The following KIF27 variants were observed in gnomAD, a reference collection of about 807,000 sequenced individuals.
KIF27 encodes kinesin family member 27, also known as kinesin-like protein KIF27.
In KIF27, 84 loss-of-function variants were observed where a neutral mutation model predicts 141.8. The ratio of observed to expected loss-of-function variants is 0.59; its 90% CI spans 0.50 to 0.71. The LOEUF (loss-of-function observed/expected upper bound fraction) is 0.71, where lower values mean the gene tolerates loss of function less well. Ranked by LOEUF, KIF27 falls within the 30% of genes least tolerant of loss-of-function variation. The probability of loss-of-function intolerance (pLI) is 0.00; values close to 1 mark genes in which losing one functional copy is unlikely to be tolerated. For missense variants in KIF27, 1,306 were observed against 1,628.4 expected, an observed-to-expected ratio of 0.80 and a Z score of 3.41; for synonymous variants, 471 against 569.5, an observed-to-expected ratio of 0.83 and a Z score of 2.46.
At chr9:83,850,925 C>T (rs1326160866) in intron 15 of KIF27, among the ~76,000 whole-genome samples, 1 of 144,524 alleles carries the variant, frequency 6.9e-6, no homozygotes, top group African/African-American at 2.6e-5. Flanking sequence ...GCAAGCTCCG[C>T]CTCCCGGGTT....
At chr9:83,884,401 C>G (rs146535136) in intron 9 of KIF27, among the ~76,000 whole-genome samples, 2 of 152,224 alleles carry the variant, frequency 1.3e-5, no homozygotes, top group African/African-American at 4.8e-5. Context: ...AATAATCTGT[C>G]TGCTTGAATT....
At chr9:83,848,436 C>CT (rs1166394102) in intron 16 of KIF27, among the ~76,000 whole-genome samples, 11 of 136,844 alleles carry the variant, frequency 8.0e-5, no homozygotes, top group Admixed American at 2.3e-4. Flanking sequence ...ATCTATATAT[C>CT]ATATATGCTA....
At position 83,891,313 on chromosome 9, in the gene KIF27, T is replaced by G; in HGVS notation, c.1791A>C (p.Ser597=). ...ACTTTACCTTCCTGGAATCTTGTCT[T>G]GATGGGATATAAATATAATGCCCCA... ...THLGHYIYIP[S]RQDSRKVHTS... is the part of the protein sequence containing the mutation. Residue 597 remains serine (S), a synonymous_variant, in exon 6 of 18, where the codon TCA becomes TCC. Coordinates refer to ENST00000297814, the MANE Select transcript of KIF27 (RefSeq NM_017576.4). 1 of 1,612,314 alleles carries G rather than the reference T, an allele frequency of 6.2e-7. No homozygotes were observed. Among genetic ancestry groups the G allele is most frequent in the Non-Finnish European group, 8.5e-7 (1 of 1,179,132 alleles).
At chr9:83,869,827 T>G (rs1328097343) in intron 12 of KIF27, among the ~76,000 whole-genome samples, 1 of 152,190 alleles carries the variant, frequency 6.6e-6, no homozygotes, top group Non-Finnish European at 1.5e-5. Context: ...ATCAACTCAT[T>G]TCTACCAAAA....
chr9:83,918,516 A>G (rs1955929913), intron 1 of KIF27, among the ~76,000 whole-genome samples: 1 of 152,208 alleles, frequency 6.6e-6, no homozygotes, highest in South Asian at 2.1e-4. Flanking sequence ...TATAACTCAA[A>G]AAGTTTTTTA....
chr9:83,910,788 C>A (rs1955074510), intron 2 of KIF27, among the ~76,000 whole-genome samples: 1 of 152,168 alleles, frequency 6.6e-6, no homozygotes. Flanking sequence ...TCTGCTCCCA[C>A]TTGTTTCAAA....
chr9:83,874,906 C>T (rs1231873815), intron 11 of KIF27, among the ~76,000 whole-genome samples: 1 of 143,434 alleles, frequency 7.0e-6, no homozygotes, highest in Non-Finnish European at 1.5e-5. Flanking sequence ...TGCACTCAAG[C>T]CTGGATGACA....
chr9:83,894,677 G>T (rs1043885158), intron 5 of KIF27, among the ~76,000 whole-genome samples: 1 of 152,172 alleles, frequency 6.6e-6, no homozygotes. Flanking sequence ...ATTGCTGGGG[G>T]ATTAAGCACA....
At chr9:83,900,995 G>C (rs1476832825) in intron 4 of KIF27, among the ~76,000 whole-genome samples, 2 of 152,026 alleles carry the variant, frequency 1.3e-5, no homozygotes, top group Non-Finnish European at 2.9e-5. Flanking sequence ...GTCTCACTCT[G>C]CCACCCAGGC....
chr9:83,921,078 C>A (rs1956224983), intron 1 of KIF27, among the ~76,000 whole-genome samples: 1 of 152,212 alleles, frequency 6.6e-6, no homozygotes, highest in African/African-American at 2.4e-5. Context: ...CCGGGACCCG[C>A]TCCTCAGGGC....
rs765070190 is a variant in KIF27 at position 83,853,674 on chromosome 9, C to G, written c.3312G>C (p.Leu1104=). ...EANVLEKLAC[L]SPVEIRTILF... ...GAATAGTTCTAATCTCAACAGGACT[C>G]AGGCAAGCTAGCTTTTCCAAGACAT... Residue 1104 remains leucine (L), a synonymous_variant, in exon 15 of 18, where the codon CTG becomes CTC. Transcript: ENST00000297814. 1.6e-5 allele frequency: 26 copies of G among 1,613,862 alleles called. No individual in the cohort carries two copies. In the South Asian group the frequency reaches 2.9e-4, roughly 18 times the overall value.
At chr9:83,919,754 G>T (rs1472024604) in intron 1 of KIF27, among the ~76,000 whole-genome samples, 1 of 151,176 alleles carries the variant, frequency 6.6e-6, no homozygotes, top group Non-Finnish European at 1.5e-5. Context: ...AATTAGGCAG[G>T]CATGGTGGCG....
chr9:83,902,715 C>T (rs1954051286), intron 4 of KIF27, among the ~76,000 whole-genome samples: 1 of 151,726 alleles, frequency 6.6e-6, no homozygotes, highest in African/African-American at 2.4e-5. Context: ...ACCAGGTCCA[C>T]AAAGTTCTAT....
At chr9:83,865,488 G>C (rs1044234759) in intron 13 of KIF27, among the ~76,000 whole-genome samples, 3 of 152,048 alleles carry the variant, frequency 2.0e-5, no homozygotes, top group African/African-American at 7.2e-5. Flanking sequence ...GAAGAGACAG[G>C]GTTTCACCAT....
At chr9:83,914,943 C>T (rs569576038) in intron 2 of KIF27, among the ~76,000 whole-genome samples, 2 of 152,188 alleles carry the variant, frequency 1.3e-5, no homozygotes, top group South Asian at 2.1e-4. Context: ...GTCCTGATTG[C>T]GGGACTCTTA....
rs1192473790 is a variant in KIF27, at chr9:83,903,684, T to C, written c.834A>G (p.Ile278Met). 3 of 1,614,150 alleles carry C rather than the reference T, an allele frequency of 1.9e-6. No homozygotes were observed. In the East Asian group the frequency reaches 6.7e-5, roughly 36 times the overall value. Reference sequence around the variant, plus strand: ...TCCTGCGTGGGTCCCCAAGAGCGCTTATTACATTTCCTAAAGCCAGCAATC... The same window carrying C: ...TCCTGCGTGGGTCCCCAAGAGCGCTCATTACATTTCCTAAAGCCAGCAATC... The part of the protein sequence containing the change: ...NSGLLALGNV[I>M]SALGDPRRKS... Residue 278 changes from isoleucine to methionine, a missense_variant, in exon 4 of 18, where the codon ATA becomes ATG. Ile to Met is a conservative substitution (Grantham distance 10). Coordinates refer to ENST00000297814, the MANE Select transcript of KIF27 (RefSeq NM_017576.4).
At chr9:83,919,989 T>C (rs1043984099) in intron 1 of KIF27, among the ~76,000 whole-genome samples, 1 of 151,752 alleles carries the variant, frequency 6.6e-6, no homozygotes, top group African/African-American at 2.4e-5. Flanking sequence ...CCCAGCACTT[T>C]GGGAGGCCAA....
Position 83,834,496 on chromosome 9 carries a change from A to G in KIF27, c.*2505T>C, listed in dbSNP as rs1945586475. Among the ~76,000 whole-genome samples, 1 of 152,144 alleles carries G rather than the reference A, an allele frequency of 6.6e-6. No homozygotes were observed. The highest frequency in any genetic ancestry group is 1.5e-5 in the Non-Finnish European group (1 of 67,962). On this transcript the variant is annotated 3_prime_UTR_variant, in exon 18 of 18. Coordinates refer to ENST00000297814, the MANE Select transcript of KIF27 (RefSeq NM_017576.4). ...TTTAGAAATCAACTCACAATTGCAT[A>G]GTCAAACCTAATCATTGTTGTTTTG...
intron 4 of KIF27, among the ~76,000 whole-genome samples, chr9:83,900,785 A>G (rs1563983055): frequency 6.6e-6 from 1 of 151,496 alleles, no homozygotes; most frequent in East Asian, 1.9e-4. Context: ...ATATAAACCA[A>G]CTCCAACATT....
Sources: allele counts gnomAD v4.1 joint callset (sites outside exome capture counted in the v4.1 genomes callset), GRCh38; gene constraint gnomAD v4.1.1; transcripts MANE v1.5; gene names NCBI Gene and HGNC (gene_info 2026-07-23, HGNC 2026-07-21).